The following SLC13A1 variants were observed in gnomAD, a reference collection of about 807,000 sequenced individuals.
SLC13A1 encodes the protein Na(+)/sulfate cotransporter.
In SLC13A1, 65 loss-of-function variants were observed where a neutral mutation model predicts 70.0. The ratio of observed to expected loss-of-function variants is 0.93; its 90% CI spans 0.76 to 1.14. SLC13A1 has a LOEUF of 1.14. SLC13A1 is among the 50% of genes most tolerant of loss of function. The pLI is 0.00. For missense variants in SLC13A1, 726 were observed against 717.8 expected (o/e 1.01, Z -0.13); for synonymous variants, 275 against 250.5 (o/e 1.10, Z -0.92).
intron 8 of SLC13A1, among the ~76,000 whole-genome samples, chr7:123,133,766 G>A (rs1227901310): frequency 6.6e-6 from 1 of 151,994 alleles, no homozygotes; most frequent in Non-Finnish European, 1.5e-5. Flanking sequence ...TCCTGACCAC[G>A]TGATCCAACT....
intron 6 of SLC13A1, chr7:123,149,370 C>A: frequency 2.5e-6 from 1 of 404,530 alleles, no homozygotes; most frequent in Middle Eastern, 3.7e-4. Flanking sequence ...AAACACTAAT[C>A]CGTTGACCTT....
At chr7:123,137,577 A>C (rs929114897) in intron 7 of SLC13A1, among the ~76,000 whole-genome samples, 1 of 152,130 alleles carries the variant, frequency 6.6e-6, no homozygotes, top group African/African-American at 2.4e-5. Flanking sequence ...GCCAACAGCC[A>C]GCAAGAAAAT....
chr7:123,176,290 T>C (rs1795444185), intron 2 of SLC13A1, among the ~76,000 whole-genome samples: 1 of 152,198 alleles, frequency 6.6e-6, no homozygotes, highest in Non-Finnish European at 1.5e-5. Context: ...GGCAGATGTG[T>C]TTGTTTATGG....
chr7:123,151,114 A>G (rs950014449), intron 6 of SLC13A1, among the ~76,000 whole-genome samples: 3 of 151,964 alleles, frequency 2.0e-5, no homozygotes, highest in South Asian at 2.1e-4. Context: ...ACTTGAGGTC[A>G]GGAATTCTAG....
chr7:123,171,893 AGCAGAT>A lies in SLC13A1; in HGVS notation c.234_239del (p.Ser79_Ala80del). On this transcript the variant is annotated inframe_deletion, in exon 3 of 15. Transcript: ENST00000194130. ...GCAGTAAGTGAAAATCCTTGAAATA[AGCAGAT>A]GCCACCTGAAATAACAATTAAACCC... 1 of 1,612,812 alleles carries A rather than the reference AGCAGAT, an allele frequency of 6.2e-7. No homozygotes were observed. Among genetic ancestry groups the A allele is most frequent in the African/African-American group, 1.3e-5 (1 of 75,012 alleles).
Position 123,128,927 on chromosome 7 carries a change from A to G in SLC13A1, c.1051T>C (p.Leu351=), listed in dbSNP as rs769954094. ...AGAGCCATTATAATGAAGAGGACCA[A>G]GGTCACAATTTCTTGATACCTGTGG... ...GPIRYQEIVT[L]VLFIIMALLW... is the part of the protein sequence containing the mutation. The change falls in exon 10 of 15, where the codon TTG becomes CTG. Residue 351 remains leucine, a synonymous_variant. Transcript: ENST00000194130. The G allele has an allele frequency of 1.2e-6, 2 of 1,613,108 alleles. No homozygotes were observed. The highest frequency in any genetic ancestry group is 3.3e-5 in the Admixed American group (2 of 59,944).
chr7:123,162,030 T>C (rs1794929612), intron 6 of SLC13A1, among the ~76,000 whole-genome samples: 1 of 151,868 alleles, frequency 6.6e-6, no homozygotes, highest in South Asian at 2.1e-4. Flanking sequence ...ATATTTCTTT[T>C]TTTTTTTTTT....
In SLC13A1 at chr7:123,168,527, T is replaced by C. The variant is rs2116541694; in HGVS notation, c.588A>G (p.Lys196=). 6.2e-7 allele frequency: 1 copy of C among 1,610,816 alleles called. No homozygotes were observed. The highest frequency in any genetic ancestry group is 1.3e-5 in the African/African-American group (1 of 74,982). Residue 196 remains lysine (K), a synonymous_variant, in exon 5 of 15, where the codon AAA becomes AAG. Coordinates refer to ENST00000194130, the MANE Select transcript of SLC13A1 (RefSeq NM_022444.4). ...SVNGHEINER[K]EKTKPVPGYN... is the part of the protein sequence containing the mutation. ...ACCCTGGAACTGGTTTTGTTTTCTCTTTCCTCTCATTTATTTCATGTCCAT... is the reference window on the plus strand; with the variant it reads ...ACCCTGGAACTGGTTTTGTTTTCTCCTTCCTCTCATTTATTTCATGTCCAT...
chr7:123,182,102 A>C (rs1241415944), intron 1 of SLC13A1, among the ~76,000 whole-genome samples: 1 of 152,148 alleles, frequency 6.6e-6, no homozygotes, highest in Non-Finnish European at 1.5e-5. Context: ...TATTTAAAGG[A>C]GAAAGAATGA....
intron 1 of SLC13A1, among the ~76,000 whole-genome samples, chr7:123,185,189 CTT>C (rs1205969380): frequency 6.6e-6 from 1 of 151,994 alleles, no homozygotes; most frequent in Non-Finnish European, 1.5e-5. Context: ...ATATTAATCT[CTT>C]ATCAGATGAA....
At chr7:123,187,074 T>C (rs1795824697) in intron 1 of SLC13A1, among the ~76,000 whole-genome samples, 1 of 152,130 alleles carries the variant, frequency 6.6e-6, no homozygotes, top group Non-Finnish European at 1.5e-5. Flanking sequence ...CATCAAGAAG[T>C]TCAGCAAACA....
chr7:123,125,468 C>T lies in SLC13A1; in HGVS notation c.1240+101G>A, dbSNP rs1015769291. 13 of 802,276 alleles carry T rather than the reference C, an allele frequency of 1.6e-5. No homozygotes were observed. The African/African-American group carries it at 1.9e-4, about 12-fold the overall frequency. 49.7% of individuals were successfully genotyped at this position (802,276 alleles called of 1,614,324 possible). ...CATGCTAGGCCAGGGATTGTGCCAGCATAGACTTTCTTTCTGCTCTAGGTG... is the reference window on the plus strand; with the variant it reads ...CATGCTAGGCCAGGGATTGTGCCAGTATAGACTTTCTTTCTGCTCTAGGTG... On this transcript the variant is annotated intron_variant, in intron 11 of 14. Coordinates refer to ENST00000194130, the MANE Select transcript of SLC13A1 (RefSeq NM_022444.4).
intron 11 of SLC13A1, 70 bp downstream of exon 11, chr7:123,125,499 C>G: frequency 8.6e-7 from 1 of 1,161,390 alleles, no homozygotes; most frequent in Non-Finnish European, 1.3e-6. Context: ...AGGTGCCAAG[C>G]GAAACCAATG....
At chr7:123,141,423 C>A (rs554042368) in intron 7 of SLC13A1, among the ~76,000 whole-genome samples, 1 of 152,202 alleles carries the variant, frequency 6.6e-6, no homozygotes, top group African/African-American at 2.4e-5. Context: ...TCTATTAGAT[C>A]CATTTGGCCT....
chr7:123,124,689 CTG>C (rs143632506), intron 11 of SLC13A1, among the ~76,000 whole-genome samples: 4,798 of 149,702 alleles, frequency 0.032, 238 homozygotes, highest in African/African-American at 0.11. Flanking sequence ...GTGTGTGTGT[CTG>C]TGTGTGTGTG....
At chr7:123,162,697 CAGAACTAATACCCCT>C (rs1268845984) in intron 6 of SLC13A1, among the ~76,000 whole-genome samples, 3 of 151,984 alleles carry the variant, frequency 2.0e-5, no homozygotes. Flanking sequence ...CCTTATTTGG[CAGAACTAATACCCCT>C]AGTTTCTAAT....
chr7:123,138,335 C>A (rs1794019605), intron 7 of SLC13A1, among the ~76,000 whole-genome samples: 1 of 152,116 alleles, frequency 6.6e-6, no homozygotes, highest in African/African-American at 2.4e-5. Context: ...AGGTTGCATC[C>A]AAATCATGGC....
intron 7 of SLC13A1, among the ~76,000 whole-genome samples, chr7:123,142,869 G>A (rs754184808): frequency 3.7e-4 from 56 of 151,942 alleles, no homozygotes; most frequent in Non-Finnish European, 6.0e-4. Context: ...TGCCCTCCTC[G>A]GCCTCCCAAA....
chr7:123,187,312 A>T (rs374843618), intron 1 of SLC13A1, among the ~76,000 whole-genome samples: 1 of 152,142 alleles, frequency 6.6e-6, no homozygotes, highest in East Asian at 1.9e-4. Context: ...TAAATTAAAA[A>T]ATATATATAT....
Sources: allele counts gnomAD v4.1 joint callset (sites outside exome capture counted in the v4.1 genomes callset), GRCh38; gene constraint gnomAD v4.1.1; transcripts MANE v1.5; gene names NCBI Gene and HGNC (gene_info 2026-07-23, HGNC 2026-07-21).